Variants in KCNC1 observed in about 807,000 individuals in gnomAD.
KCNC1 encodes the protein potassium voltage-gated channel subfamily C member 1.
KCNC1 carries 8 observed loss-of-function variants against 43.4 expected under a neutral mutation model. The ratio of observed to expected loss-of-function variants is 0.18; its 90% CI spans 0.11 to 0.33. The LOEUF is 0.33. Among genes scored for constraint, KCNC1 ranks in the 10% least tolerant of loss-of-function variants. The pLI, the probability that KCNC1 is intolerant of heterozygous loss-of-function variation, is 1.00. For missense variants in KCNC1, 420 were observed against 836.0 expected (o/e 0.50, Z 6.14); for synonymous variants, 361 against 360.5 (o/e 1.00, Z -0.01).
rs1848818206 is a variant in KCNC1, at chr11:17,739,823, A to T, written c.570+3251A>T. On this transcript the variant is annotated intron_variant, in intron 1 of 3. Transcript: ENST00000265969. The surrounding 1 kb of genome is among the most constrained non-coding windows in gnomAD (Gnocchi z 4.2). ...TGTGAAATCCTGTGTGTGACAGTGT[A>T]CGTGATGTGTGTGAGAACCCACGTG... Among the ~76,000 whole-genome samples the T allele has an allele frequency of 6.6e-6, 1 of 151,842 alleles. No homozygotes were observed. The highest frequency in any genetic ancestry group is 2.4e-5 in the African/African-American group (1 of 41,294).
chr11:17,745,552 C>G (rs539104900), intron 1 of KCNC1, among the ~76,000 whole-genome samples: 1 of 152,266 alleles, frequency 6.6e-6, no homozygotes, highest in East Asian at 1.9e-4. Flanking sequence ...AAAGTGCTAT[C>G]GGACCAAGTC....
At chr11:17,763,457 G>A (rs897104873) in intron 1 of KCNC1, among the ~76,000 whole-genome samples, 9 of 151,676 alleles carry the variant, frequency 5.9e-5, no homozygotes, top group Non-Finnish European at 8.8e-5. Context: ...GAGATGGCCC[G>A]GACACGCACA....
chr11:17,740,692 A>G (rs979340021), intron 1 of KCNC1, among the ~76,000 whole-genome samples: 12 of 152,014 alleles, frequency 7.9e-5, no homozygotes, highest in Middle Eastern at 3.4e-3. Flanking sequence ...GAGTCACTTG[A>G]CCTTCCAAAT....
At chr11:17,753,953 A>C (rs996294429) in intron 1 of KCNC1, among the ~76,000 whole-genome samples, 4 of 152,202 alleles carry the variant, frequency 2.6e-5, no homozygotes, top group Admixed American at 6.5e-5. Context: ...GAGCGCCTTC[A>C]GCTGGCCTGT....
At chr11:17,748,844 C>T (rs536906514) in intron 1 of KCNC1, among the ~76,000 whole-genome samples, 2 of 152,090 alleles carry the variant, frequency 1.3e-5, no homozygotes, top group Admixed American at 1.3e-4. Context: ...CATGGAGGGC[C>T]GTAATGAGGG....
intron 1 of KCNC1, among the ~76,000 whole-genome samples, chr11:17,751,455 C>T (rs1848967862): frequency 6.6e-6 from 1 of 152,192 alleles, no homozygotes; most frequent in Admixed American, 6.5e-5. Context: ...TGCGTGCCTT[C>T]AAAGCGGAAG....
chr11:17,779,514 C>T lies in KCNC1; in HGVS notation c.1563C>T (p.His521=). The change falls in exon 3 of 4, where the codon CAC becomes CAT. Residue 521 remains histidine (H), a synonymous_variant. Transcript: ENST00000265969. This position sits in a 1 kb window ranked among gnomAD's most constrained non-coding sequence, Gnocchi z 7.2. ...CGCTGGCGAACGAAGACTGCCCCCA[C>T]ATAGACCAGGCCCTCACTCCCGATG... ...KAALANEDCP[H]IDQALTPDEG... The T allele has an allele frequency of 1.3e-6, 2 of 1,551,432 alleles. No individual in the cohort carries two copies. Among genetic ancestry groups the T allele is most frequent in the Non-Finnish European group, 1.7e-6 (2 of 1,146,922 alleles).
chr11:17,775,186 G>A, intron 2 of KCNC1: 1 of 985,594 alleles, frequency 1.0e-6, no homozygotes. Context: ...TACCCCCAAG[G>A]CAGTCTAGTG....
Position 17,779,382 on chromosome 11 carries a change from T to C in KCNC1, c.1505-74T>C, listed in dbSNP as rs1849321146. ...AAGCTGCCCTCTGCCAATACCCCGC[T>C]TCTGGCCTGTCCCCCCCTGCCCCCC... On this transcript the variant is annotated intron_variant, in intron 2 of 3. Coordinates refer to ENST00000265969, the MANE Select transcript of KCNC1 (RefSeq NM_001112741.2). This position sits in a 1 kb window ranked among gnomAD's most constrained non-coding sequence, Gnocchi z 7.2. The C allele has an allele frequency of 7.9e-7, 1 of 1,266,162 alleles. No homozygotes were observed. Among genetic ancestry groups the C allele is most frequent in the South Asian group, 1.8e-5 (1 of 56,604 alleles). 78.4% of individuals were successfully genotyped at this position (1,266,162 alleles called of 1,614,324 possible). A position where few individuals can be genotyped will look rare whatever the true frequency, so the allele number is the denominator to read the frequency against.
chr11:17,775,672 T>C, intron 2 of KCNC1: 2 of 985,712 alleles, frequency 2.0e-6, no homozygotes, highest in Non-Finnish European at 2.4e-6. Flanking sequence ...CCCATTCGCA[T>C]GTGTCTTGTC....
In KCNC1 at chr11:17,781,382, G is replaced by T. The variant is rs1849344111; in HGVS notation, c.1694-288G>T. ...GCGCTCTCATGGAGCCACGACAGCC[G>T]CCGAGGACTTGTTTTTCTCAGGCTA... On this transcript the variant is annotated intron_variant, in intron 3 of 3. Transcript: ENST00000265969. The surrounding 1 kb of genome is among the most constrained non-coding windows in gnomAD (Gnocchi z 5.1). 5.2e-6 allele frequency: 2 copies of T among 385,374 alleles called. No individual in the cohort carries two copies. Among genetic ancestry groups the T allele is most frequent in the Non-Finnish European group, 9.3e-6 (2 of 214,208 alleles). 23.9% of individuals were successfully genotyped at this position (385,374 alleles called of 1,614,324 possible).
At chr11:17,752,038 C>T (rs528349868) in intron 1 of KCNC1, among the ~76,000 whole-genome samples, 1 of 152,236 alleles carries the variant, frequency 6.6e-6, no homozygotes, top group Non-Finnish European at 1.5e-5. Context: ...ATACCAGGAT[C>T]GACCATCTTC....
chr11:17,746,256 C>A (rs1219880081), intron 1 of KCNC1, among the ~76,000 whole-genome samples: 1 of 152,204 alleles, frequency 6.6e-6, no homozygotes, highest in African/African-American at 2.4e-5. Context: ...CAGGCAGGGG[C>A]CCACCTGCTG....
chr11:17,778,194 G>C (rs894356058), intron 2 of KCNC1, among the ~76,000 whole-genome samples: 2 of 152,164 alleles, frequency 1.3e-5, no homozygotes, highest in Non-Finnish European at 2.9e-5. Context: ...GATGGGATGG[G>C]GGCAAAGGCC....
At chr11:17,761,401 G>A (rs992962686) in intron 1 of KCNC1, among the ~76,000 whole-genome samples, 4 of 152,214 alleles carry the variant, frequency 2.6e-5, no homozygotes, top group African/African-American at 7.2e-5. Context: ...GGGCCGCCTC[G>A]GCCAGCTCCC....
In KCNC1 at chr11:17,777,976, G is replaced by A; in HGVS notation, c.1505-1480G>A. 2.2e-6 allele frequency: 1 copy of A among 457,144 alleles called. No individual in the cohort carries two copies. Among genetic ancestry groups the A allele is most frequent in the Non-Finnish European group, 2.9e-6 (1 of 347,294 alleles). 28.3% of individuals were successfully genotyped at this position (457,144 alleles called of 1,614,324 possible). ...ATCACGGGAGAGTGTTCAATCGGGTGGACATTGTCTCCAGCCTTTTCCCCC... is the reference window on the plus strand; with the variant it reads ...ATCACGGGAGAGTGTTCAATCGGGTAGACATTGTCTCCAGCCTTTTCCCCC... On this transcript the variant is annotated intron_variant, in intron 2 of 3. Coordinates refer to ENST00000265969, the MANE Select transcript of KCNC1 (RefSeq NM_001112741.2). This position sits in a 1 kb window ranked among gnomAD's most constrained non-coding sequence, Gnocchi z 4.3.
chr11:17,768,087 T>A (rs10444224), intron 1 of KCNC1, among the ~76,000 whole-genome samples: 4 of 151,970 alleles, frequency 2.6e-5, no homozygotes, highest in Admixed American at 1.3e-4. Context: ...AGCCTCCCCA[T>A]GCACTAAAGA....
intron 1 of KCNC1, among the ~76,000 whole-genome samples, chr11:17,752,640 T>G (rs919697925): frequency 6.6e-6 from 1 of 152,226 alleles, no homozygotes; most frequent in Non-Finnish European, 1.5e-5. Flanking sequence ...AGTGGTTAAG[T>G]GCATGTGTTC....
Position 17,771,844 on chromosome 11 carries a change from C to G in KCNC1, c.750C>G (p.Gly250=), listed in dbSNP as rs147271572. Reference sequence around the variant, plus strand: ...AGGCCTTCCTTACCTACATCGAGGGCGTCTGTGTGGTCTGGTTCACCTTCG... The same window carrying G: ...AGGCCTTCCTTACCTACATCGAGGGGGTCTGTGTGGTCTGGTTCACCTTCG... ...ETEAFLTYIE[G]VCVVWFTFEF... The change falls in exon 2 of 4, where the codon GGC becomes GGG. Residue 250 remains glycine (G), a synonymous_variant. Coordinates refer to ENST00000265969, the MANE Select transcript of KCNC1 (RefSeq NM_001112741.2). This position sits in a 1 kb window ranked among gnomAD's most constrained non-coding sequence, Gnocchi z 4.7. 1 of 1,614,076 alleles carries G rather than the reference C, an allele frequency of 6.2e-7. No individual in the cohort carries two copies. The highest frequency in any genetic ancestry group is 1.3e-5 in the African/African-American group (1 of 74,944).
Sources: allele counts gnomAD v4.1 joint callset (sites outside exome capture counted in the v4.1 genomes callset), GRCh38; gene constraint gnomAD v4.1.1; non-coding constraint Gnocchi (gnomAD v3.1); transcripts MANE v1.5; gene names NCBI Gene and HGNC (gene_info 2026-07-23, HGNC 2026-07-21).